Variants in MLIP observed in about 807,000 individuals in gnomAD.
MLIP encodes the protein muscular LMNA-interacting protein.
In MLIP, 79 loss-of-function variants were observed where a neutral mutation model predicts 84.8. The ratio of observed to expected loss-of-function variants is 0.93; its 90% CI spans 0.78 to 1.12. MLIP has a LOEUF of 1.12. MLIP is among the 50% of genes most tolerant of loss of function. The pLI is 0.00. For synonymous variants in MLIP, 504 were observed against 463.0 expected, an observed-to-expected ratio of 1.09 and a Z score of -1.14; for missense variants, 1,257 against 1,160.6, an observed-to-expected ratio of 1.08 and a Z score of -1.21.
At chr6:54,176,104 T>C (rs1435302838) in intron 9 of MLIP, among the ~76,000 whole-genome samples, 2 of 152,072 alleles carry the variant, frequency 1.3e-5, no homozygotes, top group Non-Finnish European at 2.9e-5. Context: ...AAGGATCTTT[T>C]TAATGCACTG....
At chr6:54,232,815 T>A (rs945649749) in intron 12 of MLIP, among the ~76,000 whole-genome samples, 54 of 152,352 alleles carry the variant, frequency 3.5e-4, no homozygotes, top group African/African-American at 1.3e-3. Context: ...TACTGGCCTA[T>A]CTCCAAACTC....
chr6:54,228,180 CAAAAAAAAAAAAAA>C (rs869112313), intron 11 of MLIP, among the ~76,000 whole-genome samples: 8 of 75,816 alleles, frequency 1.1e-4, no homozygotes, highest in South Asian at 5.7e-4. Flanking sequence ...GAGACTGTCT[CAAAAAAAAAAAAAA>C]AAAAAAAAAA....
intron 9 of MLIP, among the ~76,000 whole-genome samples, chr6:54,181,080 T>C (rs1776812054): frequency 6.6e-6 from 1 of 152,152 alleles, no homozygotes; most frequent in Non-Finnish European, 1.5e-5. Flanking sequence ...GGGGGTGAGA[T>C]GCATGCACCC....
At chr6:54,223,276 CT>C (rs763487673) in intron 11 of MLIP, among the ~76,000 whole-genome samples, 3 of 142,648 alleles carry the variant, frequency 2.1e-5, no homozygotes, top group Non-Finnish European at 4.6e-5. Flanking sequence ...CTTTTGGTGT[CT>C]GTTCTTTTGC....
intron 1 of MLIP, among the ~76,000 whole-genome samples, chr6:54,042,488 A>G (rs762710352): frequency 6.6e-6 from 1 of 152,162 alleles, no homozygotes; most frequent in African/African-American, 2.4e-5. Flanking sequence ...GGTACCAAAC[A>G]TATTTTTTTA....
At chr6:54,069,169 G>C (rs1766350765) in intron 1 of MLIP, among the ~76,000 whole-genome samples, 1 of 100,322 alleles carries the variant, frequency 1.0e-5, no homozygotes, top group African/African-American at 2.6e-5. Context: ...TGCAATCCAG[G>C]GTTGCAACTT....
At chr6:54,134,518 C>T (rs1717749954) in intron 3 of MLIP, among the ~76,000 whole-genome samples, 2 of 151,634 alleles carry the variant, frequency 1.3e-5, no homozygotes, top group South Asian at 4.2e-4. Flanking sequence ...TTTTCAGAGC[C>T]TTTCTCTTAG....
At chr6:54,034,937 A>G (rs377699585) in intron 1 of MLIP, among the ~76,000 whole-genome samples, 1 of 152,008 alleles carries the variant, frequency 6.6e-6, no homozygotes, top group East Asian at 1.9e-4. Context: ...TTTATACTAT[A>G]TTTTTACTGT....
At chr6:54,103,660 G>A (rs1257763308) in intron 1 of MLIP, among the ~76,000 whole-genome samples, 1 of 152,088 alleles carries the variant, frequency 6.6e-6, no homozygotes, top group African/African-American at 2.4e-5. Flanking sequence ...ACAAAAATTG[G>A]CTTTCTGACA....
At chr6:54,026,684 T>G (rs992140811) in intron 1 of MLIP, among the ~76,000 whole-genome samples, 3 of 150,652 alleles carry the variant, frequency 2.0e-5, no homozygotes, top group Non-Finnish European at 4.4e-5. Flanking sequence ...CACATACCTA[T>G]GAAAATCTAA....
Position 54,136,698 on chromosome 6 carries a change from A to G in MLIP, c.646-17A>G. The G allele has an allele frequency of 3.4e-6, 5 of 1,454,252 alleles. No individual in the cohort carries two copies. Among genetic ancestry groups the G allele is most frequent in the Non-Finnish European group, 4.5e-6 (5 of 1,102,594 alleles). The allele number at this position is 1,454,252 out of a possible 1,614,324, so 90.1% of individuals were successfully genotyped here. A position where few individuals can be genotyped will look rare whatever the true frequency, so the allele number is the denominator to read the frequency against. ...AATAATGTCCTATTTCAATCTGTCTATTTCTCTTTCCTCTAGTTAACTTCT... is the reference window on the plus strand; with the variant it reads ...AATAATGTCCTATTTCAATCTGTCTGTTTCTCTTTCCTCTAGTTAACTTCT... On this transcript the variant is annotated splice_polypyrimidine_tract_variant and intron_variant, in intron 3 of 13. Coordinates refer to ENST00000502396, the MANE Select transcript of MLIP (RefSeq NM_001281747.2).
At chr6:54,085,180 C>T (rs936758845) in intron 1 of MLIP, among the ~76,000 whole-genome samples, 2 of 152,142 alleles carry the variant, frequency 1.3e-5, no homozygotes, top group Non-Finnish European at 2.9e-5. Flanking sequence ...TCATCCTTCT[C>T]CTCTCTCCTG....
intron 12 of MLIP, among the ~76,000 whole-genome samples, chr6:54,255,833 G>A (rs1244668294): frequency 6.6e-6 from 1 of 152,156 alleles, no homozygotes; most frequent in East Asian, 1.9e-4. Flanking sequence ...GAGATTAGAA[G>A]GTTGGACGTT....
At chr6:54,197,605 A>G (rs1778391923) in intron 10 of MLIP, among the ~76,000 whole-genome samples, 1 of 152,012 alleles carries the variant, frequency 6.6e-6, no homozygotes, top group East Asian at 1.9e-4. Flanking sequence ...TGTGCTGGCT[A>G]TGAGAGTCAT....
chr6:54,223,343 A>G (rs906371583), intron 11 of MLIP, among the ~76,000 whole-genome samples: 1 of 151,806 alleles, frequency 6.6e-6, no homozygotes, highest in Non-Finnish European at 1.5e-5. Context: ...GTCAAGCAGA[A>G]GCTTTTTTTC....
At chr6:54,049,070 A>C (rs1765232060) in intron 1 of MLIP, among the ~76,000 whole-genome samples, 1 of 152,200 alleles carries the variant, frequency 6.6e-6, no homozygotes, top group African/African-American at 2.4e-5. Context: ...TTTTAAAGAA[A>C]GAATAAGACA....
chr6:54,219,081 C>T (rs1007997952), intron 11 of MLIP, among the ~76,000 whole-genome samples: 3 of 151,556 alleles, frequency 2.0e-5, no homozygotes, highest in African/African-American at 7.3e-5. Context: ...TGGCGGGCGC[C>T]TGTAGTCCCA....
chr6:54,217,871 G>A (rs1779957609), intron 11 of MLIP: 2 of 985,188 alleles, frequency 2.0e-6, no homozygotes, highest in South Asian at 4.7e-5. Flanking sequence ...ATAGAGTGAT[G>A]TTCATTTTCA....
intron 1 of MLIP, among the ~76,000 whole-genome samples, chr6:54,098,330 CTTTTTT>C (rs11418224): frequency 1.1e-4 from 13 of 116,284 alleles, no homozygotes; most frequent in Non-Finnish European, 1.2e-4. Context: ...TTTTTAATTT[CTTTTTT>C]TTTTTTTTTT....
Sources: allele counts gnomAD v4.1 joint callset (sites outside exome capture counted in the v4.1 genomes callset), GRCh38; gene constraint gnomAD v4.1.1; transcripts MANE v1.5; gene names NCBI Gene and HGNC (gene_info 2026-07-23, HGNC 2026-07-21).